DLG2: variants seen among roughly 807,000 people sequenced by gnomAD.
DLG2 encodes discs large MAGUK scaffold protein 2.
Under a neutral mutation model 132.5 loss-of-function variants are expected in DLG2, and 45 were observed. That is an observed-to-expected ratio of 0.34 (90% CI 0.27 to 0.44). The LOEUF is 0.44. Among genes scored for constraint, DLG2 ranks in the 20% least tolerant of loss-of-function variants. DLG2 has a pLI of 1.00. For missense variants in DLG2, 1,045 were observed against 1,196.9 expected, an observed-to-expected ratio of 0.87 and a Z score of 1.87; for synonymous variants, 424 against 419.6, an observed-to-expected ratio of 1.01 and a Z score of -0.13.
Position 85,079,523 on chromosome 11 carries a change from CT to C in DLG2, c.357+32137del, listed in dbSNP as rs2066978383. Among the ~76,000 whole-genome samples the C allele has an allele frequency of 6.8e-5, 10 of 148,138 alleles. No individual in the cohort carries two copies. In the South Asian group the frequency reaches 2.1e-3, roughly 32 times the overall value. Reference sequence around the variant, plus strand: ...TTTTTTTGGTTTACCTTATCCCCCTCTGGCCAAGATTTGCCAGAGGCAACAT... The same window carrying C: ...TTTTTTTGGTTTACCTTATCCCCCTCGGCCAAGATTTGCCAGAGGCAACAT... On this transcript the variant is annotated intron_variant, in intron 6 of 27. Transcript: ENST00000376104.
At chr11:85,467,988 GC>G (rs754964634) in intron 3 of DLG2, among the ~76,000 whole-genome samples, 18 of 152,108 alleles carry the variant, frequency 1.2e-4, no homozygotes, top group Non-Finnish European at 2.1e-4. Context: ...CAATTTCACA[GC>G]CTGTTATTGG....
intron 19 of DLG2, among the ~76,000 whole-genome samples, chr11:83,558,961 G>A (rs770430179): frequency 2.0e-5 from 3 of 151,686 alleles, no homozygotes; most frequent in African/African-American, 4.8e-5. Context: ...CATAAATACA[G>A]GGCAAGACAT....
chr11:83,594,567 A>T (rs189142921), intron 19 of DLG2, among the ~76,000 whole-genome samples: 298 of 152,340 alleles, frequency 2.0e-3, no homozygotes, highest in Non-Finnish European at 3.0e-3. Context: ...CGTACATTGA[A>T]GCAATCAAGG....
At chr11:85,358,316 C>A (rs995163514) in intron 3 of DLG2, among the ~76,000 whole-genome samples, 12 of 152,188 alleles carry the variant, frequency 7.9e-5, no homozygotes, top group African/African-American at 2.9e-4. Flanking sequence ...TGTGTTTACT[C>A]TCTTTCTACC....
intron 7 of DLG2, among the ~76,000 whole-genome samples, chr11:84,394,401 GC>G (rs1236426514): frequency 6.7e-6 from 1 of 149,722 alleles, no homozygotes; most frequent in Non-Finnish European, 1.5e-5. Context: ...AAAAGTTATA[GC>G]ATGACAGTTA....
intron 7 of DLG2, among the ~76,000 whole-genome samples, chr11:84,365,327 T>C (rs1472101679): frequency 1.3e-5 from 2 of 152,168 alleles, no homozygotes; most frequent in Admixed American, 6.5e-5. Context: ...TCTCTGATGG[T>C]AGTTTGTATT....
At chr11:84,938,498 T>C (rs1197468825) in intron 6 of DLG2, among the ~76,000 whole-genome samples, 1 of 152,218 alleles carries the variant, frequency 6.6e-6, no homozygotes, top group Non-Finnish European at 1.5e-5. Flanking sequence ...TGTTTAGATT[T>C]TGAAAGTCTT....
intron 15 of DLG2, among the ~76,000 whole-genome samples, chr11:83,875,026 A>T (rs1316947739): frequency 6.6e-6 from 1 of 152,148 alleles, no homozygotes; most frequent in African/African-American, 2.4e-5. Context: ...AATTTTTTCT[A>T]ACAAAATTTT....
chr11:84,827,988 G>A (rs2078556350), intron 6 of DLG2, among the ~76,000 whole-genome samples: 1 of 151,786 alleles, frequency 6.6e-6, no homozygotes, highest in African/African-American at 2.4e-5. Flanking sequence ...TATATGCCAT[G>A]TGTATGCTCT....
intron 7 of DLG2, among the ~76,000 whole-genome samples, chr11:84,385,008 A>G (rs2098763662): frequency 6.6e-6 from 1 of 152,070 alleles, no homozygotes; most frequent in African/African-American, 2.4e-5. Flanking sequence ...GAAAAAGGAG[A>G]TGACAAGATA....
chr11:85,190,055 T>C (rs2080414443), intron 4 of DLG2, among the ~76,000 whole-genome samples: 1 of 152,230 alleles, frequency 6.6e-6, no homozygotes, highest in Non-Finnish European at 1.5e-5. Flanking sequence ...GGACTTCTAA[T>C]GCTTTAGACC....
intron 18 of DLG2, among the ~76,000 whole-genome samples, chr11:83,757,725 G>T (rs900240479): frequency 1.3e-5 from 2 of 152,118 alleles, no homozygotes; most frequent in African/African-American, 4.8e-5. Flanking sequence ...AAGCTTCTCT[G>T]ACTTCACACA....
chr11:84,973,861 T>C (rs1413921492), intron 6 of DLG2, among the ~76,000 whole-genome samples: 2 of 152,214 alleles, frequency 1.3e-5, no homozygotes, highest in Admixed American at 1.3e-4. Flanking sequence ...ATTTGAATTA[T>C]GTATAATTTT....
rs993306416 is a variant in DLG2 at position 83,786,620 on chromosome 11, T to C, written c.1825+70A>G. 3 of 1,358,032 alleles carry C rather than the reference T, an allele frequency of 2.2e-6. No individual in the cohort carries two copies. The African/African-American group carries it at 4.3e-5, about 19-fold the overall frequency. The allele number at this position is 1,358,032 out of a possible 1,614,324, so 84.1% of individuals were successfully genotyped here. A position where few individuals can be genotyped will look rare whatever the true frequency, so the allele number is the denominator to read the frequency against. ...TGATGGTGACTCTAGTTAATAAAAA[T>C]TATTAGTAATGAGGGTACAGATCCA... On this transcript the variant is annotated intron_variant, in intron 18 of 27. Transcript: ENST00000376104.
intron 19 of DLG2, among the ~76,000 whole-genome samples, chr11:83,625,154 G>A (rs778221566): frequency 2.6e-5 from 4 of 152,204 alleles, no homozygotes; most frequent in Non-Finnish European, 5.9e-5. Flanking sequence ...TACTGGGCAG[G>A]GGGGTGCACA....
At chr11:84,628,860 G>T (rs2099627124) in intron 6 of DLG2, among the ~76,000 whole-genome samples, 1 of 152,108 alleles carries the variant, frequency 6.6e-6, no homozygotes, top group Non-Finnish European at 1.5e-5. Context: ...ATGAATAGTT[G>T]GTGATCAATA....
intron 6 of DLG2, among the ~76,000 whole-genome samples, chr11:84,794,584 C>T (rs1328931457): frequency 1.3e-5 from 2 of 152,202 alleles, no homozygotes; most frequent in Admixed American, 6.5e-5. Context: ...TGCAGCCACC[C>T]AGGGGTGGTT....
chr11:84,421,607 C>A (rs541431983), intron 7 of DLG2, among the ~76,000 whole-genome samples: 3 of 152,198 alleles, frequency 2.0e-5, no homozygotes, highest in Non-Finnish European at 4.4e-5. Flanking sequence ...TGAATCTGAT[C>A]TTATCAACCT....
chr11:84,704,273 T>C (rs780002444), intron 6 of DLG2, among the ~76,000 whole-genome samples: 6 of 151,530 alleles, frequency 4.0e-5, no homozygotes, highest in Non-Finnish European at 8.9e-5. Context: ...TCTTAAATTA[T>C]AAGGAGTCTA....
Sources: allele counts gnomAD v4.1 joint callset (sites outside exome capture counted in the v4.1 genomes callset), GRCh38; gene constraint gnomAD v4.1.1; transcripts MANE v1.5; gene names NCBI Gene and HGNC (gene_info 2026-07-23, HGNC 2026-07-21).